KCNIP4: variants seen among roughly 807,000 people sequenced by gnomAD.
The protein encoded by KCNIP4 is potassium voltage-gated channel interacting protein 4.
In KCNIP4, 12 loss-of-function variants were observed where a neutral mutation model predicts 34.0. The observed-to-expected ratio is 0.35, with a 90% CI of 0.23 to 0.57. The LOEUF (loss-of-function observed/expected upper bound fraction) is 0.57, where lower values mean the gene tolerates loss of function less well. KCNIP4 is among the 20% of genes least tolerant of loss of function. KCNIP4 has a pLI of 0.83. For synonymous variants in KCNIP4, 124 were observed against 102.2 expected (o/e 1.21, Z -1.29); for missense variants, 238 against 311.7 (o/e 0.76, Z 1.78).
chr4:21,204,489 A>G (rs1756709599), intron 1 of KCNIP4, among the ~76,000 whole-genome samples: 1 of 152,152 alleles, frequency 6.6e-6, no homozygotes, highest in South Asian at 2.1e-4. Context: ...TAACGTTTAG[A>G]TGACCCAGCC....
At chr4:20,784,577 T>A (rs77660048) in intron 3 of KCNIP4, among the ~76,000 whole-genome samples, 3,719 of 152,344 alleles carry the variant, frequency 0.024, 152 homozygotes, top group East Asian at 0.21. Flanking sequence ...CCTCTTTCCC[T>A]TTCCTTCTTC....
At position 21,670,935 on chromosome 4, in the gene KCNIP4, T is replaced by C. The variant is rs145279984; in HGVS notation, c.61+277636A>G. Among the ~76,000 whole-genome samples, 873 of 151,960 alleles carry C rather than the reference T, an allele frequency of 5.7e-3. 4 individuals carry two copies. Among genetic ancestry groups the C allele is most frequent in the African/African-American group, 0.02 (818 of 41,494 alleles). On this transcript the variant is annotated intron_variant, in intron 1 of 8. Coordinates refer to ENST00000382152, the MANE Select transcript of KCNIP4 (RefSeq NM_025221.6). ...CCTCCCAAAGTGCTGGGATTACAGG[T>C]GTGAGCCACCGCGCCGGGCTGAGTA...
At chr4:21,598,614 CCTCT>C (rs1334599308) in intron 1 of KCNIP4, among the ~76,000 whole-genome samples, 4 of 152,070 alleles carry the variant, frequency 2.6e-5, no homozygotes, top group Non-Finnish European at 4.4e-5. Context: ...CCTCACAGAG[CCTCT>C]CTAATTCTAA....
intron 1 of KCNIP4, among the ~76,000 whole-genome samples, chr4:20,913,760 A>T (rs1728553335): frequency 6.6e-6 from 1 of 152,228 alleles, no homozygotes; most frequent in Admixed American, 6.5e-5. Flanking sequence ...ATTTAATTGC[A>T]CTGGGCCTCA....
chr4:20,951,725 T>C (rs1732806780), intron 1 of KCNIP4, among the ~76,000 whole-genome samples: 1 of 152,216 alleles, frequency 6.6e-6, no homozygotes. Flanking sequence ...TCTGTTTTAC[T>C]GAGTTAATGA....
chr4:21,340,212 C>A (rs1212938845), intron 1 of KCNIP4, among the ~76,000 whole-genome samples: 1 of 152,040 alleles, frequency 6.6e-6, no homozygotes, highest in East Asian at 1.9e-4. Flanking sequence ...TATGTTTAAA[C>A]TGTAACTCTA....
intron 1 of KCNIP4, among the ~76,000 whole-genome samples, chr4:21,404,429 G>A (rs894675334): frequency 8.6e-5 from 13 of 152,012 alleles, no homozygotes; most frequent in African/African-American, 3.1e-4. Flanking sequence ...CTCCATCTCT[G>A]TGATATAACC....
intron 1 of KCNIP4, among the ~76,000 whole-genome samples, chr4:21,709,339 C>T (rs1188127795): frequency 1.3e-5 from 2 of 152,124 alleles, no homozygotes; most frequent in Admixed American, 6.6e-5. Context: ...AAGATACAAA[C>T]TGAGTATTTG....
intron 1 of KCNIP4, among the ~76,000 whole-genome samples, chr4:21,327,213 T>G (rs1198849895): frequency 6.6e-6 from 1 of 152,178 alleles, no homozygotes; most frequent in Non-Finnish European, 1.5e-5. Context: ...AGAACTCCCT[T>G]TAGCCTTTCT....
chr4:21,572,948 T>C (rs1740473318), intron 1 of KCNIP4, among the ~76,000 whole-genome samples: 1 of 152,152 alleles, frequency 6.6e-6, no homozygotes, highest in Non-Finnish European at 1.5e-5. Flanking sequence ...TTCTTGCCTT[T>C]GTGGATTCTG....
At chr4:20,923,242 T>G (rs1314932182) in intron 1 of KCNIP4, among the ~76,000 whole-genome samples, 1 of 152,214 alleles carries the variant, frequency 6.6e-6, no homozygotes, top group Admixed American at 6.5e-5. Flanking sequence ...GAAAACACTT[T>G]AAGTCACACC....
intron 1 of KCNIP4, among the ~76,000 whole-genome samples, chr4:21,277,740 C>T (rs1415219873): frequency 3.3e-5 from 5 of 152,118 alleles, no homozygotes; most frequent in African/African-American, 1.2e-4. Context: ...AAGAGAAACA[C>T]ATTTCAAGGA....
chr4:21,890,268 G>A (rs12640849), intron 1 of KCNIP4, among the ~76,000 whole-genome samples: 47,568 of 151,956 alleles, frequency 0.31, 7,808 homozygotes, highest in African/African-American at 0.42. Flanking sequence ...GCAGACTTAA[G>A]AATTTGGAAA....
intron 1 of KCNIP4, among the ~76,000 whole-genome samples, chr4:21,329,388 C>T (rs540331891): frequency 5.9e-5 from 9 of 152,152 alleles, no homozygotes; most frequent in Admixed American, 3.3e-4. Context: ...TTTTAAATAC[C>T]TATTTGAGAT....
chr4:20,837,195 G>T (rs1719148041), intron 3 of KCNIP4, among the ~76,000 whole-genome samples: 1 of 151,652 alleles, frequency 6.6e-6, no homozygotes, highest in African/African-American at 2.4e-5. Context: ...AATGTGAATA[G>T]ACAAGAAAAT....
In KCNIP4 at chr4:20,738,672, G is replaced by A. The variant is rs149573979; in HGVS notation, c.430-3937C>T. The stretch of plus-strand genomic sequence containing the variant: ...AGCTCCAGTCTACAGCTCCCAGCAT[G>A]AGCAACGCAGAAGATGGGTGATTTC... On this transcript the variant is annotated intron_variant, in intron 5 of 8. Transcript: ENST00000382152. Among the ~76,000 whole-genome samples the A allele has an allele frequency of 2.3e-3, 353 of 152,338 alleles. 8 individuals are homozygous for A. In the South Asian group the frequency reaches 0.046, roughly 20 times the overall value.
intron 1 of KCNIP4, among the ~76,000 whole-genome samples, chr4:21,779,162 A>G (rs1288959475): frequency 6.6e-6 from 1 of 152,196 alleles, no homozygotes; most frequent in Non-Finnish European, 1.5e-5. Flanking sequence ...ACATTTAGAA[A>G]TATGTAAACA....
chr4:21,750,775 T>A (rs144878165), intron 1 of KCNIP4, among the ~76,000 whole-genome samples: 1 of 152,224 alleles, frequency 6.6e-6, no homozygotes, highest in East Asian at 1.9e-4. Context: ...GCGGAGAAGC[T>A]GTGGGCTGGA....
At chr4:21,387,063 G>T (rs1365945432) in intron 1 of KCNIP4, among the ~76,000 whole-genome samples, 1 of 152,150 alleles carries the variant, frequency 6.6e-6, no homozygotes, top group Non-Finnish European at 1.5e-5. Context: ...CTGAAGGTAG[G>T]TTATTTCCAT....
Sources: gnomAD v4.1 joint callset for allele counts (sites outside exome capture counted in the v4.1 genomes callset) on GRCh38, gnomAD v4.1.1 for gene constraint, MANE v1.5 for transcripts, NCBI Gene and HGNC (gene_info 2026-07-23, HGNC 2026-07-21) for gene names.